SNRPD3: variants seen among roughly 807,000 people sequenced by gnomAD.
SNRPD3 encodes small nuclear ribonucleoprotein D3 polypeptide.
For missense variants in SNRPD3, 73 were observed against 167.5 expected (o/e 0.44, Z 3.11); for synonymous variants, 66 against 58.4 (o/e 1.13, Z -0.59).
At chr22:24,568,280 C>T in intron 3 of SNRPD3, 104 bp downstream of exon 3, 1 of 789,630 alleles carries the variant, frequency 1.3e-6, no homozygotes, top group Non-Finnish European at 2.0e-6. Flanking sequence ...GACCTCTGCT[C>T]TCTCCACACC....
Position 24,572,771 on chromosome 22 carries a change from AAG to A in SNRPD3, c.*795_*796del, listed in dbSNP as rs927352386. ...GCGAGACTGCACCTCAAAAAAAAAA[AAG>A]TAATTCAGGGGATCCTAGTGGCCAG... is the stretch of plus-strand genomic sequence containing the variant. On this transcript the variant is annotated 3_prime_UTR_variant, in exon 4 of 4. Coordinates refer to ENST00000215829, the MANE Select transcript of SNRPD3 (RefSeq NM_004175.5). 3 of 152,200 alleles carry A rather than the reference AAG, an allele frequency of 2.0e-5. No individual in the cohort carries two copies. The highest frequency in any genetic ancestry group is 4.8e-5 in the African/African-American group (2 of 41,246). 9.4% of individuals were successfully genotyped at this position (152,200 alleles called of 1,614,324 possible).
In SNRPD3 at chr22:24,559,008, T is replaced by C. The variant is rs73879084; in HGVS notation, c.126+1208T>C. On this transcript the variant is annotated intron_variant, in intron 2 of 3. Transcript: ENST00000215829. ...GGTAATATCCACACCCCCAGGACTT[T>C]TACAAAGATCAGATGAGCTGTATGT... 2.8e-3 allele frequency among the ~76,000 whole-genome samples: 424 copies of C among 152,226 alleles called. 4 individuals are homozygous for C. Among genetic ancestry groups the C allele is most frequent in the African/African-American group, 9.9e-3 (413 of 41,530 alleles).
chr22:24,558,659 A>G (rs1260134690), intron 2 of SNRPD3, among the ~76,000 whole-genome samples: 1 of 152,168 alleles, frequency 6.6e-6, no homozygotes, highest in East Asian at 1.9e-4. Context: ...AGGCAGGGAA[A>G]TTTTCAGTCT....
intron 2 of SNRPD3, among the ~76,000 whole-genome samples, chr22:24,560,090 A>ATTTTTTTTTTTT (rs71189257): frequency 3.0e-4 from 27 of 89,270 alleles, no homozygotes; most frequent in South Asian, 1.2e-3. Context: ...TTTATAAAGA[A>ATTTTTTTTTTTT]TTTTTTTTTT....
chr22:24,562,677 G>A (rs2045155019), intron 2 of SNRPD3, among the ~76,000 whole-genome samples: 1 of 152,196 alleles, frequency 6.6e-6, no homozygotes, highest in African/African-American at 2.4e-5. Context: ...TCGCACCACT[G>A]CACTCCAGCC....
rs1380073285 is a variant in SNRPD3 at position 24,573,677 on chromosome 22, C to G, written c.*1700C>G. Reference sequence around the variant, plus strand: ...ATCACTTGAACCTAGGAGTTTGAGACTAGCCTGGGCTGTTAAGCTTTGTTA... The same window carrying G: ...ATCACTTGAACCTAGGAGTTTGAGAGTAGCCTGGGCTGTTAAGCTTTGTTA... On this transcript the variant is annotated 3_prime_UTR_variant, in exon 4 of 4. Transcript: ENST00000215829. Among the ~76,000 whole-genome samples, 1 of 152,194 alleles carries G rather than the reference C, an allele frequency of 6.6e-6. No homozygotes were observed. Among genetic ancestry groups the G allele is most frequent in the Non-Finnish European group, 1.5e-5 (1 of 68,040 alleles).
At chr22:24,557,857 C>T in intron 2 of SNRPD3, 57 bp downstream of exon 2, 2 of 1,535,024 alleles carry the variant, frequency 1.3e-6, no homozygotes, top group South Asian at 2.5e-5. Flanking sequence ...TCTTGAAGGA[C>T]AGAAAAGTGT....
intron 2 of SNRPD3, 42 bp downstream of exon 2, chr22:24,557,842 C>G (rs2045094134): frequency 6.3e-7 from 1 of 1,577,138 alleles, no homozygotes; most frequent in Non-Finnish European, 8.6e-7. Flanking sequence ...AGGAATGGCC[C>G]TGTGTCTTGA....
intron 2 of SNRPD3, among the ~76,000 whole-genome samples, chr22:24,565,110 C>T (rs2045184963): frequency 6.6e-6 from 1 of 151,964 alleles, no homozygotes; most frequent in Admixed American, 6.6e-5. Context: ...GTCTCAAACT[C>T]CTGACCTCAA....
intron 2 of SNRPD3, among the ~76,000 whole-genome samples, chr22:24,563,278 ATGTG>A (rs1198490423): frequency 1.4e-5 from 2 of 143,538 alleles, no homozygotes; most frequent in South Asian, 4.3e-4. Flanking sequence ...ATGTATATAT[ATGTG>A]TGTGTGTGTG....
intron 2 of SNRPD3, among the ~76,000 whole-genome samples, chr22:24,561,075 T>C (rs2045138639): frequency 2.3e-5 from 3 of 129,372 alleles, no homozygotes; most frequent in Middle Eastern, 4.0e-3. Context: ...TTTTTTTTTT[T>C]TTTTTTTTTT....
Position 24,573,712 on chromosome 22 carries a change from G to A in SNRPD3, c.*1735G>A, listed in dbSNP as rs998128073. Among the ~76,000 whole-genome samples, 19 of 152,258 alleles carry A rather than the reference G, an allele frequency of 1.2e-4. No individual in the cohort carries two copies. Among genetic ancestry groups the A allele is most frequent in the South Asian group, 1.2e-3 (6 of 4,822 alleles). On this transcript the variant is annotated 3_prime_UTR_variant, in exon 4 of 4. Transcript: ENST00000215829. Reference sequence around the variant, plus strand: ...CTGTTAAGCTTTGTTAACCAAGACCGCATCTCTACAAAAAATTGAAAAGTA... The same window carrying A: ...CTGTTAAGCTTTGTTAACCAAGACCACATCTCTACAAAAAATTGAAAAGTA...
intron 2 of SNRPD3, among the ~76,000 whole-genome samples, chr22:24,565,439 A>G (rs182164254): frequency 6.8e-4 from 103 of 152,270 alleles, no homozygotes; most frequent in African/African-American, 2.2e-3. Context: ...CTTGATGTCT[A>G]ATAAGTGCTC....
At chr22:24,569,605 A>G (rs1385202966) in intron 3 of SNRPD3, among the ~76,000 whole-genome samples, 1 of 152,118 alleles carries the variant, frequency 6.6e-6, no homozygotes, top group Admixed American at 6.5e-5. Flanking sequence ...GATAGCCTGA[A>G]AAACCACAGG....
At chr22:24,565,549 T>A (rs115439800) in intron 2 of SNRPD3, among the ~76,000 whole-genome samples, 117 of 152,324 alleles carry the variant, frequency 7.7e-4, no homozygotes, top group African/African-American at 2.8e-3. Context: ...AGGGTTACAC[T>A]TCTGACAAAT....
intron 1 of SNRPD3, among the ~76,000 whole-genome samples, 199 bp from the exon 2 acceptor site, chr22:24,557,458 C>A (rs1336838310): frequency 6.6e-6 from 1 of 152,120 alleles, no homozygotes; most frequent in Non-Finnish European, 1.5e-5. Flanking sequence ...TTCCTCCTCA[C>A]CCCACATCTT....
intron 2 of SNRPD3, among the ~76,000 whole-genome samples, chr22:24,561,064 CTTTTTTTTT>C (rs1164120857): frequency 4.9e-5 from 3 of 61,690 alleles, no homozygotes; most frequent in African/African-American, 7.6e-5. Context: ...TTTTTCTTTT[CTTTTTTTTT>C]TTTTTTTTTT....
intron 2 of SNRPD3, among the ~76,000 whole-genome samples, chr22:24,567,562 C>T (rs535434940): frequency 3.3e-4 from 50 of 152,276 alleles, no homozygotes; most frequent in African/African-American, 1.2e-3. Context: ...GCCTGTCCAA[C>T]CTGGTGAAAC....
Position 24,568,016 on chromosome 22 carries a change from C to T in SNRPD3, c.159C>T (p.Gly53=), listed in dbSNP as rs1209813325. ...ACATCACAGTCACATACAGAGATGGCCGAGTGGCACAGCTGGAGCAGGTAT... is the reference window on the plus strand; with the variant it reads ...ACATCACAGTCACATACAGAGATGGTCGAGTGGCACAGCTGGAGCAGGTAT... ...MSNITVTYRD[G]RVAQLEQVYI... Residue 53 remains glycine, a synonymous_variant, in exon 3 of 4, where the codon GGC becomes GGT. Transcript: ENST00000215829. 4 of 1,610,548 alleles carry T rather than the reference C, an allele frequency of 2.5e-6. No homozygotes were observed. Among genetic ancestry groups the T allele is most frequent in the Admixed American group, 3.4e-5 (2 of 59,260 alleles).
Sources: allele counts gnomAD v4.1 joint callset (sites outside exome capture counted in the v4.1 genomes callset), GRCh38; gene constraint gnomAD v4.1.1; transcripts MANE v1.5; gene names NCBI Gene and HGNC (gene_info 2026-07-23, HGNC 2026-07-21).